The following STAC variants were observed in gnomAD, a reference collection of about 807,000 sequenced individuals.
STAC encodes the protein SH3 and cysteine rich domain, also known as SH3 and cysteine-rich domain-containing protein.
A neutral mutation model predicts 48.8 loss-of-function variants in STAC; 43 were observed. The ratio of observed to expected loss-of-function variants is 0.88; its 90% CI spans 0.69 to 1.14. The LOEUF (loss-of-function observed/expected upper bound fraction) is 1.14. Among genes scored for constraint, STAC ranks in the 50% most tolerant of loss-of-function variants. STAC has a pLI of 0.00. For synonymous variants in STAC, 193 were observed against 179.5 expected, an observed-to-expected ratio of 1.07 and a Z score of -0.60; for missense variants, 497 against 504.0, an observed-to-expected ratio of 0.99 and a Z score of 0.13.
chr3:36,386,035 G>T (rs1427340029), intron 1 of STAC, among the ~76,000 whole-genome samples: 1 of 151,880 alleles, frequency 6.6e-6, no homozygotes, highest in Non-Finnish European at 1.5e-5. Flanking sequence ...TGGCTTATAG[G>T]GTATACACAT....
chr3:36,400,840 C>A (rs1699986746), intron 1 of STAC, among the ~76,000 whole-genome samples: 1 of 152,186 alleles, frequency 6.6e-6, no homozygotes, highest in Non-Finnish European at 1.5e-5. Flanking sequence ...TGCAAGTGTT[C>A]TCTTGACCCA....
In STAC at chr3:36,546,680, T is replaced by C. The variant is rs564170499; in HGVS notation, c.*391T>C. ...CAAGGTTCAGATCCATGTAGCTAAG[T>C]ATTATCCTGCTTCCAGACCTATGTC... On this transcript the variant is annotated 3_prime_UTR_variant, in exon 11 of 11. Coordinates refer to ENST00000273183, the MANE Select transcript of STAC (RefSeq NM_003149.3). 2.9e-5 allele frequency: 6 copies of C among 209,246 alleles called. No homozygotes were observed. The South Asian group carries it at 7.5e-4, about 26-fold the overall frequency. 13.0% of individuals were successfully genotyped at this position (209,246 alleles called of 1,614,324 possible).
intron 5 of STAC, among the ~76,000 whole-genome samples, chr3:36,489,776 T>C (rs1697917338): frequency 6.6e-6 from 1 of 152,200 alleles, no homozygotes; most frequent in African/African-American, 2.4e-5. Context: ...TGTCAATACA[T>C]ATGTGGTGAG....
chr3:36,398,390 AAG>A (rs1191191156), intron 1 of STAC, among the ~76,000 whole-genome samples: 1 of 148,284 alleles, frequency 6.7e-6, no homozygotes, highest in African/African-American at 2.5e-5. Flanking sequence ...GAAAGAAAGA[AAG>A]AGAGGTAAAG....
chr3:36,447,187 C>T (rs974414006), intron 2 of STAC, among the ~76,000 whole-genome samples: 3 of 152,086 alleles, frequency 2.0e-5, no homozygotes, highest in Admixed American at 6.5e-5. Flanking sequence ...CAGTCATTGG[C>T]TATGTCTGCC....
chr3:36,474,443 C>T (rs1697436052), intron 2 of STAC, among the ~76,000 whole-genome samples: 1 of 152,146 alleles, frequency 6.6e-6, no homozygotes, highest in South Asian at 2.1e-4. Flanking sequence ...CACAGATGCC[C>T]TTTCACTTTC....
chr3:36,396,873 C>T (rs147751061), intron 1 of STAC, among the ~76,000 whole-genome samples: 2 of 152,176 alleles, frequency 1.3e-5, no homozygotes, highest in East Asian at 3.9e-4. Flanking sequence ...TACTGCTGTT[C>T]TCTCCTAGTT....
intron 8 of STAC, among the ~76,000 whole-genome samples, chr3:36,528,382 T>C (rs1029383134): frequency 1.3e-5 from 2 of 150,850 alleles, no homozygotes; most frequent in African/African-American, 4.9e-5. Context: ...GGCAGGAGAA[T>C]AGCTTGAACC....
chr3:36,468,050 A>G (rs779218708), intron 2 of STAC, among the ~76,000 whole-genome samples: 5 of 152,012 alleles, frequency 3.3e-5, no homozygotes, highest in Non-Finnish European at 7.4e-5. Flanking sequence ...TTGTGTCACT[A>G]TTGTCATTAA....
rs75565916 is a variant in STAC at position 36,443,901 on chromosome 3, C to T, written c.388+261C>T. On this transcript the variant is annotated intron_variant, in intron 2 of 10. Transcript: ENST00000273183. The surrounding 1 kb of genome is among the most constrained non-coding windows in gnomAD (Gnocchi z 4.2). ...CCTGTAGATCCCTAAAGCCCTTTAG[C>T]GTGTTCTTGCATTGAGGCTCGAGGT... Among the ~76,000 whole-genome samples, 18 of 152,242 alleles carry T rather than the reference C, an allele frequency of 1.2e-4. No homozygotes were observed. The highest frequency in any genetic ancestry group is 3.4e-3 in the Middle Eastern group (1 of 294).
intron 5 of STAC, among the ~76,000 whole-genome samples, chr3:36,488,250 C>G (rs1289664819): frequency 6.6e-6 from 1 of 152,146 alleles, no homozygotes; most frequent in Non-Finnish European, 1.5e-5. Flanking sequence ...TTTCATTACG[C>G]ATCTAGCCTT....
Position 36,382,939 on chromosome 3 carries a change from C to A in STAC, c.111+2185C>A, listed in dbSNP as rs545565818. 3.9e-5 allele frequency among the ~76,000 whole-genome samples: 6 copies of A among 152,278 alleles called. No individual in the cohort carries two copies. The South Asian group carries it at 1.0e-3, about 26-fold the overall frequency. On this transcript the variant is annotated intron_variant, in intron 1 of 10. Transcript: ENST00000273183. ...CTTGTTTGTAAAATATCTTGTGGGA[C>A]AAACATGGTTCAGGCCCCCTTGGCA...
intron 2 of STAC, among the ~76,000 whole-genome samples, chr3:36,457,934 T>C (rs573001627): frequency 2.0e-5 from 3 of 152,214 alleles, no homozygotes; most frequent in Non-Finnish European, 4.4e-5. Context: ...GCGGGGGAAG[T>C]AGAAAGAGTT....
intron 1 of STAC, among the ~76,000 whole-genome samples, chr3:36,438,174 T>A (rs1335502933): frequency 1.3e-5 from 2 of 152,090 alleles, no homozygotes; most frequent in African/African-American, 4.8e-5. Context: ...CAACCTCAGG[T>A]GATCCGCCCA....
chr3:36,469,777 T>G (rs1697276098), intron 2 of STAC, among the ~76,000 whole-genome samples: 1 of 152,056 alleles, frequency 6.6e-6, no homozygotes, highest in South Asian at 2.1e-4. Flanking sequence ...TTATTTTTTT[T>G]TATTTTTCTT....
Position 36,517,167 on chromosome 3 carries a change from A to G in STAC, c.920+11333A>G, listed in dbSNP as rs573536037. Among the ~76,000 whole-genome samples, 6 of 152,284 alleles carry G rather than the reference A, an allele frequency of 3.9e-5. No homozygotes were observed. The South Asian group carries it at 1.2e-3, about 32-fold the overall frequency. Reference sequence around the variant, plus strand: ...AACATTGCTGACAATTTGAGGCCTGATAACATTAAAGGGCTACCCAGGTTC... The same window carrying G: ...AACATTGCTGACAATTTGAGGCCTGGTAACATTAAAGGGCTACCCAGGTTC... On this transcript the variant is annotated intron_variant, in intron 8 of 10. Transcript: ENST00000273183.
intron 1 of STAC, among the ~76,000 whole-genome samples, chr3:36,428,503 A>G (rs1575192075): frequency 2.0e-5 from 3 of 152,246 alleles, no homozygotes; most frequent in African/African-American, 7.2e-5. Flanking sequence ...TATGCTTACA[A>G]GTCTTCAAAA....
intron 2 of STAC, among the ~76,000 whole-genome samples, chr3:36,469,978 T>A (rs11916844): frequency 0.061 from 9,287 of 152,248 alleles, 304 homozygotes; most frequent in East Asian, 0.088. Context: ...ATATCCTGTA[T>A]CATGTTTTTT....
chr3:36,442,739 TACACACACACACACACAC>T (rs10528748), intron 1 of STAC, among the ~76,000 whole-genome samples: 2,072 of 133,456 alleles, frequency 0.016, 50 homozygotes, highest in African/African-American at 0.05. Flanking sequence ...TCCTATGTCC[TACACACACACACACACAC>T]ACACACACAC....
Sources: gnomAD v4.1 joint callset for allele counts (sites outside exome capture counted in the v4.1 genomes callset) on GRCh38, gnomAD v4.1.1 for gene constraint, Gnocchi (gnomAD v3.1) non-coding constraint, MANE v1.5 for transcripts, NCBI Gene and HGNC (gene_info 2026-07-23, HGNC 2026-07-21) for gene names.